RAMP1: variants seen among roughly 807,000 people sequenced by gnomAD.
RAMP1 encodes the protein receptor activity modifying protein 1.
In RAMP1, 7 loss-of-function variants were observed where a neutral mutation model predicts 8.2. The observed-to-expected ratio is 0.85, with a 90% CI of 0.49 to 1.60. The LOEUF is 1.60. RAMP1 is among the 40% of genes most tolerant of loss of function. RAMP1 has a pLI of 0.00. For synonymous variants in RAMP1, 92 were observed against 84.7 expected, an observed-to-expected ratio of 1.09 and a Z score of -0.47; for missense variants, 192 against 202.4, an observed-to-expected ratio of 0.95 and a Z score of 0.31.
chr2:237,905,569 A>C (rs1234151138), intron 2 of RAMP1, among the ~76,000 whole-genome samples: 1 of 152,188 alleles, frequency 6.6e-6, no homozygotes, highest in Non-Finnish European at 1.5e-5. Flanking sequence ...AGATGGCAAT[A>C]GCTCCTCCTA....
intron 1 of RAMP1, among the ~76,000 whole-genome samples, chr2:237,873,126 AG>A (rs1359343820): frequency 6.6e-6 from 1 of 152,164 alleles, no homozygotes; most frequent in Non-Finnish European, 1.5e-5. Flanking sequence ...GTGGGAGGGG[AG>A]CAGGGAGGCT....
At position 237,912,003 on chromosome 2, in the gene RAMP1, G is replaced by A. The variant is rs982204712; in HGVS notation, c.*220G>A. ...ACCGCCACCCTAGGAAGGGGGCAGG[G>A]ACGTGACCTTGACTTACCTCTGGAA... On this transcript the variant is annotated 3_prime_UTR_variant, in exon 3 of 3. Coordinates refer to ENST00000254661, the MANE Select transcript of RAMP1 (RefSeq NM_005855.4). 7 of 730,808 alleles carry A rather than the reference G, an allele frequency of 9.6e-6. No individual in the cohort carries two copies. In the African/African-American group the frequency reaches 1.1e-4, roughly 11 times the overall value. The allele number at this position is 730,808 out of a possible 1,614,324, so 45.3% of individuals were successfully genotyped here. A position where few individuals can be genotyped will look rare whatever the true frequency, so the allele number is the denominator to read the frequency against.
In RAMP1 at chr2:237,911,760, A is replaced by T. The variant is rs750677639; in HGVS notation, c.424A>T (p.Lys142Ter). 7 of 1,610,798 alleles carry T rather than the reference A, an allele frequency of 4.3e-6. No individual in the cohort carries two copies. In the African/African-American group the frequency reaches 9.3e-5, roughly 22 times the overall value. Residue 142 changes from lysine to a stop codon, truncating the protein, a stop_gained, in exon 3 of 3, where the codon AAG becomes TAG. Transcript: ENST00000254661. LOFTEE classifies it high-confidence loss of function. Reference protein sequence around the residue: ...LVTALVVWQSKRTEGIV With the variant: ...LVTALVVWQS The stretch of plus-strand genomic sequence containing the variant: ...GACGGCACTGGTGGTCTGGCAGAGC[A>T]AGCGCACTGAGGGCATTGTGTAGGC...
chr2:237,859,702 G>T lies in RAMP1; in HGVS notation c.27G>T (p.Pro9=). MARALCRL[P]RRGLWLLLAH... The stretch of plus-strand genomic sequence containing the variant: ...TGGCCCGGGCCCTGTGCCGCCTCCC[G>T]CGGCGCGGCCTCTGGCTGCTCCTGG... The change falls in exon 1 of 3, where the codon CCG becomes CCT. Residue 9 remains proline (P), a synonymous_variant. Coordinates refer to ENST00000254661, the MANE Select transcript of RAMP1 (RefSeq NM_005855.4). 6.6e-7 allele frequency: 1 copy of T among 1,512,054 alleles called. No individual in the cohort carries two copies. Among genetic ancestry groups the T allele is most frequent in the Non-Finnish European group, 8.8e-7 (1 of 1,130,982 alleles). The allele number at this position is 1,512,054 out of a possible 1,614,324, so 93.7% of individuals were successfully genotyped here.
At chr2:237,891,555 T>C (rs561709557) in intron 2 of RAMP1, among the ~76,000 whole-genome samples, 46 of 152,366 alleles carry the variant, frequency 3.0e-4, no homozygotes, top group African/African-American at 1.1e-3. Context: ...TATTTCTGTT[T>C]GTTCTTAATC....
intron 2 of RAMP1, among the ~76,000 whole-genome samples, chr2:237,909,372 C>G (rs2062686450): frequency 6.6e-6 from 1 of 152,092 alleles, no homozygotes; most frequent in African/African-American, 2.4e-5. Context: ...CTGTGCCTGT[C>G]ATGCAGGGGT....
At chr2:237,902,489 AG>A (rs2062611774) in intron 2 of RAMP1, among the ~76,000 whole-genome samples, 1 of 152,020 alleles carries the variant, frequency 6.6e-6, no homozygotes, top group Admixed American at 6.5e-5. Context: ...GAACACAGCG[AG>A]GAGGAAAGTG....
At chr2:237,908,391 C>T (rs1433989368) in intron 2 of RAMP1, among the ~76,000 whole-genome samples, 1 of 107,824 alleles carries the variant, frequency 9.3e-6, no homozygotes, top group Non-Finnish European at 2.1e-5. Context: ...CCTGTCCCTT[C>T]CCCAGTGAGA....
chr2:237,863,573 G>C (rs1217221525), intron 1 of RAMP1, among the ~76,000 whole-genome samples: 1 of 152,200 alleles, frequency 6.6e-6, no homozygotes, highest in Non-Finnish European at 1.5e-5. Context: ...ATTCTGTTCA[G>C]GAAAAATATT....
At chr2:237,896,595 A>G (rs545340271) in intron 2 of RAMP1, among the ~76,000 whole-genome samples, 19 of 152,322 alleles carry the variant, frequency 1.2e-4, no homozygotes, top group South Asian at 2.1e-4. Context: ...CCCTCGGGTG[A>G]TGTGAGAAGC....
At chr2:237,863,936 A>G (rs966263900) in intron 1 of RAMP1, among the ~76,000 whole-genome samples, 1 of 151,878 alleles carries the variant, frequency 6.6e-6, no homozygotes, top group Non-Finnish European at 1.5e-5. Flanking sequence ...CCTCACGGGG[A>G]CAACTGCCCA....
At chr2:237,897,157 C>T (rs1218459128) in intron 2 of RAMP1, among the ~76,000 whole-genome samples, 1 of 152,244 alleles carries the variant, frequency 6.6e-6, no homozygotes. Context: ...CATGCAACCA[C>T]GGGCCCCGCC....
chr2:237,889,117 T>C (rs1303016083), intron 2 of RAMP1, among the ~76,000 whole-genome samples: 1 of 152,118 alleles, frequency 6.6e-6, no homozygotes, highest in East Asian at 1.9e-4. Flanking sequence ...GCTCTAAATA[T>C]TTTCTTGTTT....
chr2:237,874,069 C>T (rs560821358), intron 1 of RAMP1, among the ~76,000 whole-genome samples: 3 of 152,344 alleles, frequency 2.0e-5, no homozygotes, highest in East Asian at 3.9e-4. Context: ...GGGGATGCAG[C>T]ATCCAGGAGG....
intron 2 of RAMP1, among the ~76,000 whole-genome samples, chr2:237,889,972 C>G (rs1367427815): frequency 6.6e-6 from 1 of 152,110 alleles, no homozygotes. Context: ...CCTTGGGGAC[C>G]AAGCATGCAG....
At chr2:237,883,471 C>A (rs954278619) in intron 2 of RAMP1, among the ~76,000 whole-genome samples, 1 of 152,128 alleles carries the variant, frequency 6.6e-6, no homozygotes, top group African/African-American at 2.4e-5. Context: ...AGGAGGCCCC[C>A]CGTGATCCCT....
chr2:237,886,165 G>A (rs1023225406), intron 2 of RAMP1, among the ~76,000 whole-genome samples: 1 of 152,170 alleles, frequency 6.6e-6, no homozygotes, highest in South Asian at 2.1e-4. Context: ...TCCAGGGCTG[G>A]GCAGAGTGGG....
At chr2:237,866,620 C>T (rs1376980169) in intron 1 of RAMP1, among the ~76,000 whole-genome samples, 1 of 152,156 alleles carries the variant, frequency 6.6e-6, no homozygotes, top group Non-Finnish European at 1.5e-5. Context: ...TAGCTCTTGA[C>T]TCCCCCAAAG....
chr2:237,861,907 T>G (rs2062136339), intron 1 of RAMP1, among the ~76,000 whole-genome samples: 1 of 151,990 alleles, frequency 6.6e-6, no homozygotes, highest in Non-Finnish European at 1.5e-5. Context: ...GAGCATCCTG[T>G]GTACTCTTCT....
Sources: gnomAD v4.1 joint callset for allele counts (sites outside exome capture counted in the v4.1 genomes callset) on GRCh38, gnomAD v4.1.1 for gene constraint, MANE v1.5 for transcripts, NCBI Gene and HGNC (gene_info 2026-07-23, HGNC 2026-07-21) for gene names.